Variants in PHYKPL observed in about 807,000 individuals in gnomAD.
PHYKPL encodes the protein 5-phosphonooxy-L-lysine phospho-lyase.
PHYKPL carries 42 observed loss-of-function variants against 51.3 expected under a neutral mutation model. That is an observed-to-expected ratio of 0.82 (90% CI 0.64 to 1.06). PHYKPL has a LOEUF of 1.06. Among genes scored for constraint, PHYKPL ranks in the 50% least tolerant of loss-of-function variants. PHYKPL has a pLI of 0.00. For missense variants in PHYKPL, 655 were observed against 586.6 expected (o/e 1.12, Z -1.20); for synonymous variants, 264 against 236.0 (o/e 1.12, Z -1.09).
chr5:178,222,333 T>G (rs369759314), intron 8 of PHYKPL, 22 bp downstream of exon 8: 259 of 1,594,722 alleles, frequency 1.6e-4, no homozygotes, highest in Non-Finnish European at 2.0e-4. Flanking sequence ...TGTTGCTCCC[T>G]TGACTTAGAG....
At chr5:178,218,097 G>A (rs1234813028) in intron 8 of PHYKPL, among the ~76,000 whole-genome samples, 19 of 97,858 alleles carry the variant, frequency 1.9e-4, no homozygotes, top group East Asian at 6.2e-4. Context: ...GGCGCCTGTA[G>A]TCCCAGCTAC....
At chr5:178,231,641 C>G (rs780384650) in intron 1 of PHYKPL, 118 bp from the exon 2 acceptor site, 2 of 1,603,366 alleles carry the variant, frequency 1.2e-6, no homozygotes. Flanking sequence ...GAAATGAGAG[C>G]TGGAAGGGCA....
Position 178,225,707 on chromosome 5 carries a change from T to C in PHYKPL, c.339-278A>G, listed in dbSNP as rs1762148462. 2 of 460,836 alleles carry C rather than the reference T, an allele frequency of 4.3e-6. 1 individual carries two copies. The highest frequency in any genetic ancestry group is 7.9e-5 in the East Asian group (2 of 25,444). 28.5% of individuals were successfully genotyped at this position (460,836 alleles called of 1,614,324 possible). On this transcript the variant is annotated intron_variant, in intron 3 of 12. Transcript: ENST00000308158. ...TTGAAAAAACCCAAACCATTGTTTT[T>C]CCTCTGCTTTCACACTACAACAATC... is the stretch of plus-strand genomic sequence containing the variant.
At chr5:178,211,200 T>TTGCTC in intron 12 of PHYKPL, 2 of 148,634 alleles carry the variant, frequency 1.3e-5, no homozygotes, top group South Asian at 4.3e-4. Context: ...GTGAGACCTC[T>TTGCTC]TGCTCAGGGT....
intron 12 of PHYKPL, chr5:178,210,715 T>G: frequency 3.2e-6 from 3 of 939,542 alleles, no homozygotes; most frequent in South Asian, 2.7e-5. Flanking sequence ...TTGGCAAACT[T>G]TCTATTGCCT....
intron 11 of PHYKPL, 41 bp from the exon 12 acceptor site, chr5:178,212,011 C>T: frequency 6.2e-7 from 1 of 1,611,368 alleles, no homozygotes; most frequent in Non-Finnish European, 8.5e-7. Context: ...AGTCACCTTT[C>T]TCTGCTGAAG....
chr5:178,215,208 A>T, intron 9 of PHYKPL, 68 bp downstream of exon 9: 1 of 1,603,124 alleles, frequency 6.2e-7, no homozygotes, highest in South Asian at 1.1e-5. Context: ...GGTTGTTAGG[A>T]GGTGAAGAAA....
intron 8 of PHYKPL, among the ~76,000 whole-genome samples, chr5:178,219,343 C>G (rs575288756): frequency 6.6e-6 from 1 of 151,572 alleles, no homozygotes; most frequent in Non-Finnish European, 1.5e-5. Context: ...TACACACACA[C>G]ACAGACACAC....
intron 1 of PHYKPL, 177 bp from the exon 2 acceptor site, chr5:178,231,700 G>C: frequency 1.3e-6 from 2 of 1,554,700 alleles, no homozygotes; most frequent in Non-Finnish European, 1.7e-6. Flanking sequence ...TGGTTGCAAA[G>C]CAGGAAGCAG....
chr5:178,221,767 CAA>C (rs1188461564), intron 8 of PHYKPL, among the ~76,000 whole-genome samples: 3 of 152,254 alleles, frequency 2.0e-5, no homozygotes, highest in Admixed American at 6.5e-5. Context: ...GAGATCTTTC[CAA>C]AGAGTACTCT....
intron 12 of PHYKPL, chr5:178,210,398 T>C: frequency 1.9e-6 from 3 of 1,563,388 alleles, no homozygotes; most frequent in South Asian, 1.1e-5. Context: ...TGGGAGCTAC[T>C]TGATTTTGAG....
chr5:178,228,321 C>T (rs1044582771), intron 3 of PHYKPL: 16 of 561,254 alleles, frequency 2.9e-5, no homozygotes, highest in South Asian at 2.7e-4. Context: ...GCACAGTGCC[C>T]GGGAAGCAAG....
chr5:178,208,389 A>G (rs915407372), downstream of PHYKPL: 1 of 152,232 alleles, frequency 6.6e-6, no homozygotes, highest in Non-Finnish European at 1.5e-5. Context: ...GGACAGTGAT[A>G]GAGGCCTTTT....
intron 12 of PHYKPL, chr5:178,211,360 G>A (rs372959571): frequency 6.5e-6 from 1 of 154,964 alleles, no homozygotes; most frequent in Non-Finnish European, 1.4e-5. Flanking sequence ...GGAATGAGAG[G>A]CCTATGGGGA....
intron 12 of PHYKPL, chr5:178,210,199 C>A (rs766040725): frequency 1.2e-5 from 19 of 1,612,742 alleles, no homozygotes; most frequent in Admixed American, 1.7e-5. Context: ...ACCAGCAGGG[C>A]TACGGGCCTG....
In PHYKPL at chr5:178,232,697, G is replaced by C; in HGVS notation, c.-147C>G. ...CACTCGGCCCCGCCCCGAAGCGCCC[G>C]CGTTGCGGTGGTTCATTTCTTCGCT... On this transcript the variant is annotated 5_prime_UTR_variant, in exon 1 of 13. Coordinates refer to ENST00000308158, the MANE Select transcript of PHYKPL (RefSeq NM_153373.4). The C allele has an allele frequency of 3.4e-6, 3 of 894,120 alleles. No individual in the cohort carries two copies. The highest frequency in any genetic ancestry group is 5.6e-5 in the South Asian group (1 of 17,796). 55.4% of individuals were successfully genotyped at this position (894,120 alleles called of 1,614,324 possible). A position where few individuals can be genotyped will look rare whatever the true frequency, so the allele number is the denominator to read the frequency against.
downstream of PHYKPL, among the ~76,000 whole-genome samples, chr5:178,207,477 G>C (rs921434422): frequency 1.3e-5 from 2 of 152,308 alleles, no homozygotes; most frequent in African/African-American, 4.8e-5. Flanking sequence ...AATAGAGCAG[G>C]TTGAGTAGCC....
Position 178,211,715 on chromosome 5 carries a change from A to G in PHYKPL, c.*31+175T>C, listed in dbSNP as rs183714976. On this transcript the variant is annotated intron_variant, in intron 12 of 12. Transcript: ENST00000308158. ...GAGGATATAGCTGTTCCTGCCATCA[A>G]GTGCAAGCTAAGCATTGGAGAATTT... The G allele has an allele frequency of 2.7e-5, 16 of 595,140 alleles. 1 individual carries two copies. In the East Asian group the frequency reaches 4.2e-4, roughly 16 times the overall value. The allele number at this position is 595,140 out of a possible 1,614,324, so 36.9% of individuals were successfully genotyped here.
chr5:178,225,596 G>A, intron 3 of PHYKPL, 167 bp from the exon 4 acceptor site: 1 of 630,692 alleles, frequency 1.6e-6, no homozygotes, highest in South Asian at 1.9e-5. Flanking sequence ...CTATGTACTA[G>A]AAGCTGGGGG....
Sources: allele counts gnomAD v4.1 joint callset (sites outside exome capture counted in the v4.1 genomes callset), GRCh38; gene constraint gnomAD v4.1.1; transcripts MANE v1.5; gene names NCBI Gene and HGNC (gene_info 2026-07-23, HGNC 2026-07-21).